PDE4DIP: variants seen among roughly 807,000 people sequenced by gnomAD.
PDE4DIP encodes myomegalin.
Under a neutral mutation model 221.4 loss-of-function variants are expected in PDE4DIP, and 59 were observed. That is an observed-to-expected ratio of 0.27 (90% CI 0.22 to 0.33). PDE4DIP has a LOEUF of 0.33. PDE4DIP is among the 10% of genes least tolerant of loss of function. PDE4DIP has a pLI of 1.00. For synonymous variants in PDE4DIP, 404 were observed against 815.9 expected, an observed-to-expected ratio of 0.50 and a Z score of 8.60; for missense variants, 1,036 against 2,154.2, an observed-to-expected ratio of 0.48 and a Z score of 10.28.
intron 37 of PDE4DIP, among the ~76,000 whole-genome samples, chr1:149,024,035 T>A (rs2074259433): frequency 1.3e-5 from 2 of 151,378 alleles, no homozygotes; most frequent in African/African-American, 4.9e-5. Context: ...CCAAAAGACC[T>A]CCTCCTTCTC....
exon 5 of PDE4DIP, chr1:148,937,792 T>G: frequency 9.5e-7 from 1 of 1,055,924 alleles, no homozygotes; most frequent in East Asian, 2.4e-5. Context: ...AGGAGAGGCT[T>G]GTAGAACAGC....
At chr1:148,964,397 C>T (rs1335847352) in intron 9 of PDE4DIP, among the ~76,000 whole-genome samples, 1 of 151,990 alleles carries the variant, frequency 6.6e-6, no homozygotes, top group African/African-American at 2.4e-5. Flanking sequence ...CGTGAGCCAC[C>T]ACGCTGGGCC....
At chr1:148,935,534 A>C (rs1450070960) in intron 4 of PDE4DIP, among the ~76,000 whole-genome samples, 1 of 27,438 alleles carries the variant, frequency 3.6e-5, no homozygotes, top group African/African-American at 1.4e-4. Context: ...TGAGCCTGGA[A>C]AACCACCCAA....
At chr1:148,998,901 C>G (rs146009241) in intron 23 of PDE4DIP, among the ~76,000 whole-genome samples, 4 of 145,314 alleles carry the variant, frequency 2.8e-5, no homozygotes, top group Non-Finnish European at 6.1e-5. Context: ...CCACCACGCC[C>G]GTCTAATTTT....
intron 40 of PDE4DIP, 41 bp from the exon 44 acceptor site, chr1:149,028,519 G>C (rs782225798): frequency 6.3e-7 from 1 of 1,587,784 alleles, no homozygotes; most frequent in Non-Finnish European, 8.6e-7. Context: ...GCAGGGGGAA[G>C]AAAGTAATCT....
chr1:149,017,016 C>T (rs587723198), intron 33 of PDE4DIP, among the ~76,000 whole-genome samples: 194 of 152,174 alleles, frequency 1.3e-3, no homozygotes, highest in African/African-American at 3.8e-3. Flanking sequence ...TGAGATGCCG[C>T]GCAGTTCCAA....
chr1:148,985,013 T>C (rs1410166455), intron 21 of PDE4DIP: 2 of 152,132 alleles, frequency 1.3e-5, no homozygotes, highest in Admixed American at 1.3e-4. Context: ...ACAAACTTCC[T>C]GTGAAGTTAG....
intron 5 of PDE4DIP, among the ~76,000 whole-genome samples, chr1:148,956,415 T>C (rs1434886542): frequency 8.5e-5 from 13 of 152,250 alleles, no homozygotes; most frequent in Admixed American, 1.3e-4. Context: ...TCCTTTCTTA[T>C]TTATTAAAGA....
At chr1:148,973,160 C>G (rs1315970474) in intron 16 of PDE4DIP, among the ~76,000 whole-genome samples, 1 of 140,974 alleles carries the variant, frequency 7.1e-6, no homozygotes, top group East Asian at 2.0e-4. Flanking sequence ...TACATGAATG[C>G]CTTTTGCTTC....
At chr1:148,995,882 A>G (rs1434273494) in intron 22 of PDE4DIP, among the ~76,000 whole-genome samples, 1 of 149,644 alleles carries the variant, frequency 6.7e-6, no homozygotes, top group East Asian at 1.9e-4. Context: ...ATAAAAAAAT[A>G]AAAAATAAAA....
At chr1:148,963,952 G>T (rs1421972965) in intron 9 of PDE4DIP, among the ~76,000 whole-genome samples, 9 of 150,372 alleles carry the variant, frequency 6.0e-5, no homozygotes, top group African/African-American at 2.2e-4. Context: ...TAGAGACAGG[G>T]TTTCATCGTG....
chr1:148,963,669 AT>A (rs1217771012), intron 9 of PDE4DIP, among the ~76,000 whole-genome samples: 1 of 132,396 alleles, frequency 7.6e-6, no homozygotes, highest in South Asian at 2.5e-4. Context: ...CCTGTTTTTT[AT>A]TTTTTATTTT....
At chr1:149,023,405 A>G (rs1340291985) in intron 37 of PDE4DIP, among the ~76,000 whole-genome samples, 5 of 149,974 alleles carry the variant, frequency 3.3e-5, no homozygotes, top group African/African-American at 4.9e-5. Context: ...ACTAAAACAA[A>G]TTTTACCTTT....
chr1:149,010,364 A>C, intron 30 of PDE4DIP, 79 bp from the exon 34 acceptor site: 1 of 1,254,652 alleles, frequency 8.0e-7, no homozygotes, highest in Non-Finnish European at 1.2e-6. Context: ...TAGCCCTGGT[A>C]CCCCTGGGTA....
chr1:148,884,455 A>C (rs1572626128), upstream of PDE4DIP, among the ~76,000 whole-genome samples: 1 of 100,904 alleles, frequency 9.9e-6, no homozygotes. Context: ...TATAGTTTTT[A>C]CTTTTTTTTT....
At position 148,981,211 on chromosome 1, in the gene PDE4DIP, G is replaced by C; in HGVS notation, c.2688-59G>C. ...TATTGATGGTTCTTTGGAAACAAAT[G>C]TGGACTCACTACAGTTGATGGCTAA... On this transcript the variant is annotated intron_variant, in intron 20 of 43. Transcript: ENST00000369354. The C allele has an allele frequency of 1.9e-6, 3 of 1,542,248 alleles. No homozygotes were observed. The South Asian group carries it at 3.4e-5, about 17-fold the overall frequency.
chr1:149,010,644 G>C (rs1366820748), intron 31 of PDE4DIP, 49 bp downstream of exon 34: 61 of 1,591,196 alleles, frequency 3.8e-5, no homozygotes, highest in Non-Finnish European at 5.2e-5. Context: ...TTTCTCTGCT[G>C]CCTGTTTGAT....
intron 21 of PDE4DIP, chr1:148,982,285 T>G (rs2061248444): frequency 6.6e-6 from 1 of 152,236 alleles, no homozygotes; most frequent in Non-Finnish European, 1.5e-5. Flanking sequence ...TCAAATGTAG[T>G]ATCCCTCTTT....
In PDE4DIP at chr1:148,962,525, G is replaced by C. The variant is rs113187064; in HGVS notation, c.1079G>C (p.Arg360Thr). 2.9e-5 allele frequency: 20 copies of C among 682,780 alleles called. 1 individual carries two copies. The East Asian group carries it at 5.1e-4, about 17-fold the overall frequency. The allele number at this position is 682,780 out of a possible 1,614,324, so 42.3% of individuals were successfully genotyped here. A position where few individuals can be genotyped will look rare whatever the true frequency, so the allele number is the denominator to read the frequency against. ...CAACTTGAAATACAGAAGCTCCAGA[G>C]GGTGGTACGACAGAAAGAGCGCCAA... The change falls in exon 9 of 44, where the codon AGG (arginine) becomes ACG (threonine). Residue 360 changes from arginine (R) to threonine (T), a missense_variant. By Grantham distance (71) the Arg-to-Thr change is moderately conservative. Coordinates refer to ENST00000369354, the Ensembl canonical transcript of PDE4DIP.
Sources: allele counts gnomAD v4.1 joint callset (sites outside exome capture counted in the v4.1 genomes callset), GRCh38; gene constraint gnomAD v4.1.1; transcripts MANE v1.5; gene names NCBI Gene and HGNC (gene_info 2026-07-23, HGNC 2026-07-21).